Variants in COL5A2 observed in about 807,000 individuals in gnomAD.
COL5A2 encodes collagen alpha-2(V) chain.
A neutral mutation model predicts 208.2 loss-of-function variants in COL5A2; 23 were observed. The ratio of observed to expected loss-of-function variants is 0.11; its 90% CI spans 0.08 to 0.16. COL5A2 has a LOEUF of 0.16. COL5A2 is among the 10% of genes least tolerant of loss of function. The pLI is 1.00. For missense variants in COL5A2, 1,590 were observed against 1,956.4 expected (o/e 0.81, Z 3.53); for synonymous variants, 625 against 628.5 (o/e 0.99, Z 0.08).
chr2:189,228,385 A>C (rs1478282390), upstream of COL5A2, among the ~76,000 whole-genome samples: 1 of 151,862 alleles, frequency 6.6e-6, no homozygotes, highest in African/African-American at 2.4e-5. Context: ...TTTTGAAAAA[A>C]TCAACAAAAC....
At chr2:189,263,457 A>G in the COL5A2 span, among the ~76,000 whole-genome samples, 1 of 152,134 alleles carries the variant, frequency 6.6e-6, no homozygotes, top group Non-Finnish European at 1.5e-5. Context: ...AAAATTTCCT[A>G]TTACCTAGTG....
At chr2:189,279,887 GT>G in the COL5A2 span, among the ~76,000 whole-genome samples, 1 of 152,118 alleles carries the variant, frequency 6.6e-6, no homozygotes, top group African/African-American at 2.4e-5. Flanking sequence ...AAATTCAAAT[GT>G]TGACATCTAA....
chr2:189,313,847 A>C, the COL5A2 span, among the ~76,000 whole-genome samples: 4 of 152,354 alleles, frequency 2.6e-5, no homozygotes, highest in South Asian at 8.3e-4. Context: ...AAGATGAAGA[A>C]GGGCATTACA....
Position 189,179,692 on chromosome 2 carries a change from T to C in COL5A2, c.-88A>G. 4 of 1,544,358 alleles carry C rather than the reference T, an allele frequency of 2.6e-6. No individual in the cohort carries two copies. The highest frequency in any genetic ancestry group is 3.5e-6 in the Non-Finnish European group (4 of 1,147,190). ...CACCATGAAGTCAGCTGTGGGCTCT[T>C]CTTTCAGCACCAGCCCCAGGGCAGC... On this transcript the variant is annotated 5_prime_UTR_variant, in exon 1 of 54. Transcript: ENST00000374866.
chr2:189,414,482 G>A, the COL5A2 span, among the ~76,000 whole-genome samples: 25 of 152,042 alleles, frequency 1.6e-4, no homozygotes, highest in Middle Eastern at 0.01. Context: ...TAAGCTGGGC[G>A]CAGTGGTTCT....
chr2:189,052,255 T>G (rs1385224671), intron 40 of COL5A2, 30 bp from the exon 41 acceptor site: 1 of 1,604,780 alleles, frequency 6.2e-7, no homozygotes. Flanking sequence ...TAAGCAATTT[T>G]TAAGGTAATA....
chr2:189,283,982 C>T, the COL5A2 span, among the ~76,000 whole-genome samples: 1 of 151,994 alleles, frequency 6.6e-6, no homozygotes, highest in African/African-American at 2.4e-5. Context: ...TGCTGCTTAG[C>T]CTAACTAGTC....
chr2:189,162,734 C>T (rs1688392468), intron 1 of COL5A2, among the ~76,000 whole-genome samples: 1 of 152,062 alleles, frequency 6.6e-6, no homozygotes, highest in East Asian at 1.9e-4. Flanking sequence ...ACACACACTA[C>T]TTGTAAAGAT....
At chr2:189,228,755 C>A (rs1294373378), upstream of COL5A2, among the ~76,000 whole-genome samples, 1 of 151,806 alleles carries the variant, frequency 6.6e-6, no homozygotes, top group East Asian at 1.9e-4. Context: ...AGTGGCAATT[C>A]TTTGCAAACT....
At chr2:189,325,969 C>T in the COL5A2 span, among the ~76,000 whole-genome samples, 7 of 151,916 alleles carry the variant, frequency 4.6e-5, no homozygotes, top group South Asian at 2.1e-4. Context: ...TAGTGGCACA[C>T]GCCTGTAATC....
intron 15 of COL5A2, 105 bp from the exon 16 acceptor site, chr2:189,078,674 C>T (rs1576512363): frequency 1.1e-6 from 1 of 939,242 alleles, no homozygotes; most frequent in Admixed American, 1.7e-5. Context: ...AATTGGCCAC[C>T]AAGCAGTAGT....
Position 189,172,306 on chromosome 2 carries a change from A to T in COL5A2, c.97+7202T>A, listed in dbSNP as rs374342339. 4.6e-5 allele frequency among the ~76,000 whole-genome samples: 7 copies of T among 152,328 alleles called. No individual in the cohort carries two copies. The East Asian group carries it at 5.8e-4, about 13-fold the overall frequency. ...TGGAACAAGTTCCTCAGGGAGATGG[A>T]GAACAAATAAAACACAAAAGAACAA... On this transcript the variant is annotated intron_variant, in intron 1 of 53. Transcript: ENST00000374866.
chr2:189,235,964 C>T, the COL5A2 span, among the ~76,000 whole-genome samples: 1 of 151,002 alleles, frequency 6.6e-6, no homozygotes, highest in Non-Finnish European at 1.5e-5. Flanking sequence ...AATTCTGCTA[C>T]GTTCCAGGCA....
At chr2:189,110,554 T>A in intron 1 of COL5A2, 105 bp from the exon 2 acceptor site, 1 of 988,936 alleles carries the variant, frequency 1.0e-6, no homozygotes, top group Non-Finnish European at 1.6e-6. Context: ...GACTAAGAAG[T>A]AACCTTCCAA....
intron 1 of COL5A2, among the ~76,000 whole-genome samples, chr2:189,212,367 G>A (rs1346169216): frequency 6.6e-6 from 1 of 152,160 alleles, no homozygotes; most frequent in Non-Finnish European, 1.5e-5. Context: ...GCTGGGCGCG[G>A]TGGCTCATGC....
At chr2:189,440,011 G>A in the COL5A2 span, among the ~76,000 whole-genome samples, 3 of 152,186 alleles carry the variant, frequency 2.0e-5, no homozygotes, top group African/African-American at 7.2e-5. Context: ...CATCCACTGT[G>A]ACAAAGGGTA....
chr2:189,252,809 G>T, the COL5A2 span, among the ~76,000 whole-genome samples: 1 of 151,866 alleles, frequency 6.6e-6, no homozygotes, highest in Non-Finnish European at 1.5e-5. Context: ...AAAATAAAAA[G>T]ACTCTAGAAC....
chr2:189,435,519 T>C, the COL5A2 span, among the ~76,000 whole-genome samples: 5 of 151,946 alleles, frequency 3.3e-5, no homozygotes, highest in South Asian at 1.0e-3. Context: ...GGGCAAAGGA[T>C]ATGAACAGAC....
chr2:189,175,945 T>C (rs1688670789), intron 1 of COL5A2, among the ~76,000 whole-genome samples: 1 of 152,224 alleles, frequency 6.6e-6, no homozygotes, highest in African/African-American at 2.4e-5. Context: ...ATAGCATGTA[T>C]TTCAACAGTA....
Sources: allele counts gnomAD v4.1 joint callset (sites outside exome capture counted in the v4.1 genomes callset), GRCh38; gene constraint gnomAD v4.1.1; transcripts MANE v1.5; gene names NCBI Gene and HGNC (gene_info 2026-07-23, HGNC 2026-07-21).